KLHL14: variants seen among roughly 807,000 people sequenced by gnomAD.
The protein encoded by KLHL14 is kelch like family member 14.
In KLHL14, 22 loss-of-function variants were observed where a neutral mutation model predicts 64.3. The ratio of observed to expected loss-of-function variants is 0.34; its 90% confidence interval spans 0.24 to 0.49. KLHL14 has a LOEUF of 0.49. Ranked by LOEUF, KLHL14 falls within the 20% of genes least tolerant of loss-of-function variation. The pLI is 0.99. For synonymous variants in KLHL14, 322 were observed against 333.4 expected, an observed-to-expected ratio of 0.97 and a Z score of 0.37; for missense variants, 661 against 789.0, an observed-to-expected ratio of 0.84 and a Z score of 1.94.
At chr18:32,739,704 A>G (rs1236535113) in intron 3 of KLHL14, among the ~76,000 whole-genome samples, 2 of 95,448 alleles carry the variant, frequency 2.1e-5, no homozygotes, top group African/African-American at 6.0e-5. Flanking sequence ...TCTAATAAAT[A>G]GAGTCAATAG....
intron 2 of KLHL14, among the ~76,000 whole-genome samples, chr18:32,753,378 C>T (rs186603117): frequency 9.9e-5 from 15 of 152,182 alleles, no homozygotes; most frequent in African/African-American, 3.6e-4. Flanking sequence ...TTTGATTAGC[C>T]ATCTTCCCAC....
At chr18:32,756,566 C>A (rs532692169) in intron 2 of KLHL14, among the ~76,000 whole-genome samples, 35 of 152,286 alleles carry the variant, frequency 2.3e-4, no homozygotes, top group South Asian at 2.1e-3. Context: ...GGGCTCTTTC[C>A]TGCACAAGAG....
intron 2 of KLHL14, among the ~76,000 whole-genome samples, chr18:32,748,016 T>C (rs576967231): frequency 4.1e-4 from 63 of 152,316 alleles, no homozygotes; most frequent in African/African-American, 1.4e-3. Context: ...GAGATAATAA[T>C]GGGAACAAGA....
At chr18:32,771,776 G>C (rs2050387602) in intron 1 of KLHL14, among the ~76,000 whole-genome samples, 1 of 151,632 alleles carries the variant, frequency 6.6e-6, no homozygotes, top group South Asian at 2.1e-4. Context: ...GGTGTTGGGG[G>C]AGGGGTGGGG....
intron 3 of KLHL14, among the ~76,000 whole-genome samples, chr18:32,706,882 T>C (rs1172921232): frequency 6.6e-6 from 1 of 152,108 alleles, no homozygotes; most frequent in East Asian, 1.9e-4. Context: ...CAGGGAGATG[T>C]CTGAAGGCAT....
intron 3 of KLHL14, among the ~76,000 whole-genome samples, chr18:32,720,325 G>C (rs1021383444): frequency 9.2e-5 from 14 of 152,208 alleles, no homozygotes; most frequent in Non-Finnish European, 1.5e-4. Context: ...GGAAACAGAA[G>C]ATCATAGTGA....
At position 32,695,521 on chromosome 18, in the gene KLHL14, A is replaced by G. The variant is rs2049932395; in HGVS notation, c.1101T>C (p.Val367=). The change falls in exon 4 of 9, where the codon GTT becomes GTC. Residue 367 remains valine, a synonymous_variant. Transcript: ENST00000359358. ...CGAACAAGAAGTTTTCCACCTCCAC[A>G]ACGCAGTGGTGGGCACTGTTGTATG... ...IMPYNSAHHC[V]VEVENFLFVL... 1.2e-6 allele frequency: 2 copies of G among 1,609,400 alleles called. No homozygotes were observed. Among genetic ancestry groups the G allele is most frequent in the Non-Finnish European group, 8.5e-7 (1 of 1,175,874 alleles).
At position 32,674,511 on chromosome 18, in the gene KLHL14, C is replaced by A. The variant is rs1404317174; in HGVS notation, c.*146G>T. On this transcript the variant is annotated 3_prime_UTR_variant, in exon 9 of 9. Transcript: ENST00000359358. Reference sequence around the variant, plus strand: ...TATCTGTTCAAGAACAGGTCTCTTTCTTTTGTAGTTACTTATAAATCATCA... The same window carrying A: ...TATCTGTTCAAGAACAGGTCTCTTTATTTTGTAGTTACTTATAAATCATCA... 1.6e-6 allele frequency: 1 copy of A among 640,902 alleles called. No individual in the cohort carries two copies. The highest frequency in any genetic ancestry group is 2.8e-6 in the Non-Finnish European group (1 of 353,648). 39.7% of individuals were successfully genotyped at this position (640,902 alleles called of 1,614,324 possible). A position where few individuals can be genotyped will look rare whatever the true frequency, so the allele number is the denominator to read the frequency against.
chr18:32,760,415 GCCTCTACATTTTCAAGGACTTTT>G (rs2050308557), intron 2 of KLHL14, among the ~76,000 whole-genome samples: 1 of 151,632 alleles, frequency 6.6e-6, no homozygotes, highest in East Asian at 1.9e-4. Context: ...TTTCAACAAT[GCCTCTACATTTTCAAGGACTTTT>G]CTCAGATATT....
chr18:32,767,649 C>A (rs2144195806), intron 2 of KLHL14, among the ~76,000 whole-genome samples: 1 of 152,296 alleles, frequency 6.6e-6, no homozygotes, highest in South Asian at 2.1e-4. Flanking sequence ...AGCCAGCAGG[C>A]ACTAGCTGGT....
rs61442102 is a variant in KLHL14, at chr18:32,739,642, G to GCA, written c.1069+2284_1069+2285dup. Among the ~76,000 whole-genome samples, 1,276 of 147,244 alleles carry GCA rather than the reference G, an allele frequency of 8.7e-3. 6 individuals are homozygous for GCA. The highest frequency in any genetic ancestry group is 0.027 in the East Asian group (135 of 4,958). ...AATATGTTCCCATTATAAGAACTTT[G>GCA]CACACACACACACACACACACACAC... On this transcript the variant is annotated intron_variant, in intron 3 of 8. Coordinates refer to ENST00000359358, the MANE Select transcript of KLHL14 (RefSeq NM_020805.3).
intron 4 of KLHL14, 78 bp from the exon 5 acceptor site, chr18:32,687,311 T>C (rs570821563): frequency 1.8e-6 from 2 of 1,121,448 alleles, no homozygotes; most frequent in African/African-American, 3.1e-5. Flanking sequence ...TTATCAGACG[T>C]CTCTATTCTC....
chr18:32,725,508 T>C (rs2050103801), intron 3 of KLHL14, among the ~76,000 whole-genome samples: 1 of 152,204 alleles, frequency 6.6e-6, no homozygotes, highest in South Asian at 2.1e-4. Flanking sequence ...CAGCAGATGC[T>C]CCACTGGAGG....
intron 2 of KLHL14, among the ~76,000 whole-genome samples, chr18:32,764,247 A>G (rs536163465): frequency 6.6e-6 from 1 of 152,316 alleles, no homozygotes; most frequent in African/African-American, 2.4e-5. Context: ...AATAATGATG[A>G]CCATTCTACA....
intron 3 of KLHL14, chr18:32,737,783 T>C (rs2050173614): frequency 1.3e-5 from 2 of 152,008 alleles, no homozygotes; most frequent in Non-Finnish European, 2.9e-5. Context: ...ACTAGAAAAT[T>C]CCCAAATCCT....
rs558525438 is a variant in KLHL14, at chr18:32,692,353, T to C, written c.1159+3110A>G. The stretch of plus-strand genomic sequence containing the variant: ...TACCATTTTCATAAGAACTAATGTT[T>C]AACTTAAGAAGATTTCATCTCTGGG... On this transcript the variant is annotated intron_variant, in intron 4 of 8. Transcript: ENST00000359358. Among the ~76,000 whole-genome samples the C allele has an allele frequency of 8.5e-5, 13 of 152,312 alleles. 1 individual carries two copies. In the South Asian group the frequency reaches 2.7e-3, roughly 32 times the overall value.
At chr18:32,720,769 T>C (rs184501875) in intron 3 of KLHL14, among the ~76,000 whole-genome samples, 15 of 152,276 alleles carry the variant, frequency 9.9e-5, no homozygotes, top group Admixed American at 9.8e-4. Flanking sequence ...GCCAGAGAGA[T>C]GTGACTTTCA....
chr18:32,770,495 A>G lies in KLHL14; in HGVS notation c.97T>C (p.Cys33Arg). The change falls in exon 2 of 9, where the codon TGC becomes CGC. Residue 33 changes from cysteine to arginine, a missense_variant. By Grantham distance (180) the Cys-to-Arg change is radical. Around this residue, in one of 2 missense-constraint regions of KLHL14, gnomAD observed 331 missense variants for 339.0 expected, o/e 0.98. Coordinates refer to ENST00000359358, the MANE Select transcript of KLHL14 (RefSeq NM_020805.3). This position sits in a 1 kb window ranked among gnomAD's most constrained non-coding sequence, Gnocchi z 6.7. ...CCCTGGGCCGTCAGGGTCACGTCGC[A>G]AAACAGCTGCTTCCTCCACAGCAGG... Reference protein sequence around the residue: ...LNLLWRKQLFCDVTLTAQGQQ... With the variant: ...LNLLWRKQLFRDVTLTAQGQQ... 6.2e-7 allele frequency: 1 copy of G among 1,612,120 alleles called. No individual in the cohort carries two copies. Among genetic ancestry groups the G allele is most frequent in the Non-Finnish European group, 8.5e-7 (1 of 1,179,942 alleles).
chr18:32,725,954 G>A (rs1460642738), intron 3 of KLHL14, among the ~76,000 whole-genome samples: 1 of 152,186 alleles, frequency 6.6e-6, no homozygotes, highest in Non-Finnish European at 1.5e-5. Flanking sequence ...CAGTTGATGT[G>A]AGGATTAAAT....
Sources: gnomAD v4.1 joint callset for allele counts (sites outside exome capture counted in the v4.1 genomes callset) on GRCh38, gnomAD v4.1.1 for gene constraint, gnomAD v4.1.1 regional missense constraint, Gnocchi (gnomAD v3.1) non-coding constraint, MANE v1.5 for transcripts, NCBI Gene and HGNC (gene_info 2026-07-23, HGNC 2026-07-21) for gene names.